ELP6: variants seen among roughly 807,000 people sequenced by gnomAD.
ELP6 encodes the protein elongator complex protein 6.
Under a neutral mutation model 28.1 loss-of-function variants are expected in ELP6, and 23 were observed. The observed-to-expected ratio is 0.82, with a 90% CI of 0.59 to 1.16. The LOEUF (loss-of-function observed/expected upper bound fraction) is 1.16. Among genes scored for constraint, ELP6 ranks in the 50% most tolerant of loss-of-function variants. The pLI is 0.00. For missense variants in ELP6, 313 were observed against 334.6 expected, an observed-to-expected ratio of 0.94 and a Z score of 0.50; for synonymous variants, 132 against 135.8, an observed-to-expected ratio of 0.97 and a Z score of 0.19.
At chr3:47,503,124 C>A in intron 4 of ELP6, 4 of 1,112,282 alleles carry the variant, frequency 3.6e-6, no homozygotes, top group Non-Finnish European at 4.4e-6. Context: ...TCTCCCCATA[C>A]CTTGGGATGA....
chr3:47,504,698 G>A, intron 3 of ELP6: 1 of 973,020 alleles, frequency 1.0e-6, no homozygotes, highest in Non-Finnish European at 1.2e-6. Context: ...GCACATGCCT[G>A]GAGTCCCAGC....
chr3:47,502,517 C>T, intron 4 of ELP6: 1 of 984,668 alleles, frequency 1.0e-6, no homozygotes, highest in Non-Finnish European at 1.2e-6. Flanking sequence ...CGGAAACCTT[C>T]CCAGGAGGTT....
chr3:47,505,405 A>G (rs1559591567), intron 3 of ELP6, among the ~76,000 whole-genome samples: 1 of 151,972 alleles, frequency 6.6e-6, no homozygotes, highest in African/African-American at 2.4e-5. Flanking sequence ...TTGAAGCTCA[A>G]TAACTTTTTT....
At chr3:47,496,428 A>G in intron 6 of ELP6, 1 of 985,240 alleles carries the variant, frequency 1.0e-6, no homozygotes, top group African/African-American at 1.7e-5. Flanking sequence ...AGAAAATGTG[A>G]AAGAGGAAAA....
chr3:47,511,345 A>C, intron 1 of ELP6, 119 bp from the exon 2 acceptor site: 1 of 1,443,570 alleles, frequency 6.9e-7, no homozygotes, highest in South Asian at 1.4e-5. Flanking sequence ...TTATTTTTTT[A>C]ATGACATACA....
At chr3:47,511,261 C>A in intron 1 of ELP6, 35 bp from the exon 2 acceptor site, 1 of 1,608,222 alleles carries the variant, frequency 6.2e-7, no homozygotes, top group Non-Finnish European at 8.5e-7. Context: ...AGGTTAGACT[C>A]CCTGGAAAGA....
Position 47,495,932 on chromosome 3 carries a change from C to T in ELP6, c.*137G>A. Reference sequence around the variant, plus strand: ...CAAGGCATGCCATCACTGCAGCACTCAACCCTCTGGTCACAGTGGAGTCGC... The same window carrying T: ...CAAGGCATGCCATCACTGCAGCACTTAACCCTCTGGTCACAGTGGAGTCGC... On this transcript the variant is annotated 3_prime_UTR_variant, in exon 7 of 7. Transcript: ENST00000296149. 6.8e-7 allele frequency: 1 copy of T among 1,479,906 alleles called. No individual in the cohort carries two copies. The highest frequency in any genetic ancestry group is 2.4e-5 in the East Asian group (1 of 41,588). The allele number at this position is 1,479,906 out of a possible 1,614,324, so 91.7% of individuals were successfully genotyped here. A position where few individuals can be genotyped will look rare whatever the true frequency, so the allele number is the denominator to read the frequency against.
chr3:47,496,024 C>G lies in ELP6; in HGVS notation c.*45G>C. The G allele has an allele frequency of 6.2e-7, 1 of 1,612,260 alleles. No individual in the cohort carries two copies. The highest frequency in any genetic ancestry group is 8.5e-7 in the Non-Finnish European group (1 of 1,179,412). ...TCTTGCTATGTTGCTCTATCTTCCA[C>G]GTCCAAAAACAGTCCTATGTAGCTT... On this transcript the variant is annotated 3_prime_UTR_variant, in exon 7 of 7. Transcript: ENST00000296149.
chr3:47,511,554 T>TTTGTTCAG, intron 1 of ELP6: 1 of 902,994 alleles, frequency 1.1e-6, no homozygotes, highest in Non-Finnish European at 1.3e-6. Context: ...AATTGGATCC[T>TTTGTTCAG]GAACAAAGGA....
At chr3:47,505,093 C>T (rs1437593633) in intron 3 of ELP6, among the ~76,000 whole-genome samples, 1 of 151,702 alleles carries the variant, frequency 6.6e-6, no homozygotes, top group Non-Finnish European at 1.5e-5. Context: ...CTGGTGAAAC[C>T]CCATCTCTAC....
At chr3:47,507,938 T>TAAAAAAA (rs1383790437) in intron 3 of ELP6, among the ~76,000 whole-genome samples, 1 of 105,678 alleles carries the variant, frequency 9.5e-6, no homozygotes, top group Non-Finnish European at 2.2e-5. Flanking sequence ...CATTCAAAGG[T>TAAAAAAA]AAAAGAAAAA....
chr3:47,498,240 C>A (rs1275211236), intron 6 of ELP6, 46 bp downstream of exon 6: 2 of 1,607,234 alleles, frequency 1.2e-6, no homozygotes, highest in African/African-American at 1.3e-5. Flanking sequence ...TCAAGAATCA[C>A]AGGTACACGG....
At chr3:47,510,004 C>T in intron 3 of ELP6, 180 bp downstream of exon 3, 1 of 518,936 alleles carries the variant, frequency 1.9e-6, no homozygotes, top group Non-Finnish European at 3.4e-6. Flanking sequence ...TCGTGATCTG[C>T]CCATCTTGGC....
intron 5 of ELP6, chr3:47,498,726 A>G (rs1159920933): frequency 2.0e-6 from 2 of 985,398 alleles, no homozygotes; most frequent in Non-Finnish European, 2.4e-6. Flanking sequence ...TGTTACTAAA[A>G]GTGTCACCAT....
At chr3:47,500,187 A>T in intron 5 of ELP6, 5 of 1,122,600 alleles carry the variant, frequency 4.5e-6, no homozygotes, top group Non-Finnish European at 4.4e-6. Flanking sequence ...ATTTTTGGGC[A>T]ATGGACAACA....
chr3:47,504,247 G>A, intron 4 of ELP6, 83 bp downstream of exon 4: 1 of 1,470,418 alleles, frequency 6.8e-7, no homozygotes, highest in East Asian at 2.4e-5. Context: ...TGCACAATAA[G>A]AAGGAATCAC....
At chr3:47,503,658 T>C (rs1559590198) in intron 4 of ELP6, among the ~76,000 whole-genome samples, 2 of 152,068 alleles carry the variant, frequency 1.3e-5, no homozygotes, top group Admixed American at 6.6e-5. Context: ...ATCCCAGCAC[T>C]TTGGGAGGCC....
intron 3 of ELP6, among the ~76,000 whole-genome samples, chr3:47,505,674 C>T (rs1553657670): frequency 6.6e-6 from 1 of 152,140 alleles, no homozygotes; most frequent in Non-Finnish European, 1.5e-5. Flanking sequence ...TGGGTTCAAG[C>T]GATTCTCCTG....
intron 6 of ELP6, chr3:47,496,495 GTTT>G (rs113383330): frequency 7.0e-4 from 611 of 872,748 alleles, no homozygotes; most frequent in East Asian, 1.2e-3. Flanking sequence ...GTATTTTTAT[GTTT>G]TTTTTTTTTT....
Sources: allele counts gnomAD v4.1 joint callset (sites outside exome capture counted in the v4.1 genomes callset), GRCh38; gene constraint gnomAD v4.1.1; transcripts MANE v1.5; gene names NCBI Gene and HGNC (gene_info 2026-07-23, HGNC 2026-07-21).